ASCC3: variants seen among roughly 807,000 people sequenced by gnomAD.
ASCC3 encodes ASC-1 complex subunit P200.
Under a neutral mutation model 256.3 loss-of-function variants are expected in ASCC3, and 158 were observed. The ratio of observed to expected loss-of-function variants is 0.62; its 90% CI spans 0.54 to 0.70. The LOEUF is 0.70. ASCC3 is among the 30% of genes least tolerant of loss of function. The pLI, the probability that ASCC3 is intolerant of heterozygous loss-of-function variation, is 0.00. For synonymous variants in ASCC3, 948 were observed against 883.4 expected (o/e 1.07, Z -1.30); for missense variants, 2,259 against 2,626.0 (o/e 0.86, Z 3.05).
chr6:100,864,473 C>CA (rs1271199185), intron 2 of ASCC3, among the ~76,000 whole-genome samples: 1 of 152,126 alleles, frequency 6.6e-6, no homozygotes, highest in African/African-American at 2.4e-5. Flanking sequence ...CTCATAAAAT[C>CA]ATTTCATACA....
rs1771915192 is a variant in ASCC3, at chr6:100,589,938, T to G, written c.5415+10A>C. ...TCTTTTCAATTAGAATGCATATGAC[T>G]AAGTCATACCTCTCCAATTTCAATA... On this transcript the variant is annotated intron_variant, in intron 35 of 41. Coordinates refer to ENST00000369162, the MANE Select transcript of ASCC3 (RefSeq NM_006828.4). 6.2e-7 allele frequency: 1 copy of G among 1,605,938 alleles called. No individual in the cohort carries two copies. The highest frequency in any genetic ancestry group is 1.1e-5 in the South Asian group (1 of 90,892).
chr6:100,572,673 C>T (rs1293396824), intron 36 of ASCC3, among the ~76,000 whole-genome samples: 2 of 152,228 alleles, frequency 1.3e-5, no homozygotes, highest in South Asian at 4.1e-4. Flanking sequence ...TTTTTAAACA[C>T]ATTAGGATAT....
chr6:100,769,697 G>A (rs1415442146), intron 8 of ASCC3, among the ~76,000 whole-genome samples: 2 of 151,558 alleles, frequency 1.3e-5, no homozygotes, highest in Non-Finnish European at 3.0e-5. Context: ...TAACCTCTGG[G>A]CAGACTGATC....
intron 3 of ASCC3, among the ~76,000 whole-genome samples, chr6:100,848,945 A>C (rs1049514211): frequency 6.6e-6 from 1 of 152,140 alleles, no homozygotes. Context: ...TCTCTACAAA[A>C]ATTTTTAAAA....
rs755951427 is a variant in ASCC3, at chr6:100,652,781, A to T, written c.2932T>A (p.Ser978Thr). The change falls in exon 18 of 42, where the codon TCA (serine) becomes ACA (threonine). Residue 978 changes from serine to threonine, a missense_variant. Ser to Thr is a moderately conservative substitution (Grantham distance 58). This residue lies in a region of ASCC3 where 1,839 missense variants were observed against 2,206.7 expected (regional missense o/e 0.83). Transcript: ENST00000369162. ...RFEERTGYFS[S>T]TDLGRTASHY... is the part of the protein sequence containing the mutation. ...CTGGCAGTTCTACCCAAATCAGTTGAGGAAAAATATCCAGTTCGCTCCTCA... is the reference window on the plus strand; with the variant it reads ...CTGGCAGTTCTACCCAAATCAGTTGTGGAAAAATATCCAGTTCGCTCCTCA... 6.2e-7 allele frequency: 1 copy of T among 1,613,940 alleles called. No individual in the cohort carries two copies. Among genetic ancestry groups the T allele is most frequent in the Non-Finnish European group, 8.5e-7 (1 of 1,179,928 alleles).
chr6:100,856,476 T>G, intron 3 of ASCC3: 1 of 895,282 alleles, frequency 1.1e-6, no homozygotes, highest in Non-Finnish European at 1.3e-6. Context: ...ATAAAAATCA[T>G]AGTAATTCTT....
At chr6:100,805,983 T>C (rs1275380316) in intron 4 of ASCC3, 103 bp from the exon 5 acceptor site, 17 of 1,096,682 alleles carry the variant, frequency 1.6e-5, no homozygotes, top group Non-Finnish European at 2.0e-5. Flanking sequence ...CAAACTAATA[T>C]AGAAATACTC....
At chr6:100,731,567 T>C (rs760601141) in intron 10 of ASCC3, among the ~76,000 whole-genome samples, 34 of 152,244 alleles carry the variant, frequency 2.2e-4, no homozygotes, top group Non-Finnish European at 4.0e-4. Flanking sequence ...CAACTTAGAA[T>C]GCCTCTTTAT....
Position 100,784,930 on chromosome 6 carries a change from T to G in ASCC3, c.1395+13783A>C, listed in dbSNP as rs186349233. Among the ~76,000 whole-genome samples, 91 of 152,210 alleles carry G rather than the reference T, an allele frequency of 6.0e-4. No individual in the cohort carries two copies. The East Asian group carries it at 0.017, about 28-fold the overall frequency. ...TGCTTTTGTAGTAATACAAAATAAC[T>G]GACTAACCCTCTTTTTCATTCTGTA... is the stretch of plus-strand genomic sequence containing the variant. On this transcript the variant is annotated intron_variant, in intron 8 of 41. Transcript: ENST00000369162.
At position 100,680,645 on chromosome 6, in the gene ASCC3, A is replaced by G. The variant is rs140686228; in HGVS notation, c.2152-893T>C. ...ACAATCTGGAATATACAATCTAAAG[A>G]TAGTATGTGTGGGTGCAGTAAATGA... On this transcript the variant is annotated intron_variant, in intron 13 of 41. Transcript: ENST00000369162. 7.9e-4 allele frequency among the ~76,000 whole-genome samples: 120 copies of G among 152,308 alleles called. 1 individual carries two copies. Among genetic ancestry groups the G allele is most frequent in the African/African-American group, 2.7e-3 (111 of 41,560 alleles).
chr6:100,634,864 CAAAAAAAAA>C (rs199632200), intron 25 of ASCC3, among the ~76,000 whole-genome samples: 3 of 119,320 alleles, frequency 2.5e-5, no homozygotes, highest in Admixed American at 8.3e-5. Context: ...CCTCAAAAAA[CAAAAAAAAA>C]AAAAAAAAAG....
intron 34 of ASCC3, among the ~76,000 whole-genome samples, chr6:100,595,601 T>G (rs10080234): frequency 0.065 from 9,960 of 152,160 alleles, 742 homozygotes; most frequent in East Asian, 0.3. Flanking sequence ...AAGAACCCAT[T>G]GTTCAGCATA....
intron 16 of ASCC3, among the ~76,000 whole-genome samples, chr6:100,656,755 C>T (rs1775933901): frequency 6.6e-6 from 1 of 151,038 alleles, no homozygotes; most frequent in African/African-American, 2.4e-5. Context: ...GCCAATGGTT[C>T]TATAGGTAGT....
At chr6:100,813,953 T>C (rs1005450156) in intron 4 of ASCC3, among the ~76,000 whole-genome samples, 16 of 150,658 alleles carry the variant, frequency 1.1e-4, no homozygotes, top group Non-Finnish European at 1.9e-4. Context: ...TCCTGACTGA[T>C]TGCTCTGGGT....
intron 16 of ASCC3, among the ~76,000 whole-genome samples, chr6:100,660,928 TAGTA>T (rs577347604): frequency 2.2e-3 from 336 of 151,694 alleles, no homozygotes; most frequent in Non-Finnish European, 3.6e-3. Context: ...GAAAATGAAA[TAGTA>T]AGTGTGTTTT....
chr6:100,815,299 A>G (rs1770685671), intron 4 of ASCC3, among the ~76,000 whole-genome samples: 1 of 152,190 alleles, frequency 6.6e-6, no homozygotes, highest in Non-Finnish European at 1.5e-5. Context: ...TTCCATGCTC[A>G]TGGATTGGAA....
At chr6:100,630,075 A>G (rs2114864108) in intron 26 of ASCC3, among the ~76,000 whole-genome samples, 1 of 151,914 alleles carries the variant, frequency 6.6e-6, no homozygotes, top group East Asian at 1.9e-4. Flanking sequence ...TTTTTAGTAG[A>G]GATGGGGTTT....
chr6:100,726,172 T>C (rs1323256904), intron 10 of ASCC3, among the ~76,000 whole-genome samples: 1 of 151,918 alleles, frequency 6.6e-6, no homozygotes, highest in African/African-American at 2.4e-5. Context: ...AGATATAGTA[T>C]CATAAATATA....
chr6:100,536,757 T>C (rs1037651064), intron 37 of ASCC3, among the ~76,000 whole-genome samples: 2 of 152,192 alleles, frequency 1.3e-5, no homozygotes, highest in African/African-American at 2.4e-5. Context: ...TGAACTGCCA[T>C]GCCCAGTCCA....
Sources: allele counts gnomAD v4.1 joint callset (sites outside exome capture counted in the v4.1 genomes callset), GRCh38; gene constraint gnomAD v4.1.1; regional missense constraint gnomAD v4.1.1; transcripts MANE v1.5; gene names NCBI Gene and HGNC (gene_info 2026-07-23, HGNC 2026-07-21).